Variants in FOXN4 observed in about 807,000 individuals in gnomAD.
The protein encoded by FOXN4 is forkhead box protein N4.
A neutral mutation model predicts 45.0 loss-of-function variants in FOXN4; 12 were observed. The ratio of observed to expected loss-of-function variants is 0.27; its 90% CI spans 0.17 to 0.43. The LOEUF is 0.43. Ranked by LOEUF, FOXN4 falls within the 20% of genes least tolerant of loss-of-function variation. The pLI, the probability that FOXN4 is intolerant of heterozygous loss-of-function variation, is 1.00. For missense variants in FOXN4, 560 were observed against 694.9 expected, an observed-to-expected ratio of 0.81 and a Z score of 2.18; for synonymous variants, 297 against 295.0, an observed-to-expected ratio of 1.01 and a Z score of -0.07.
Position 109,279,742 on chromosome 12 carries a change from C to A in FOXN4, c.1483G>T (p.Ala495Ser). Residue 495 changes from alanine to serine, a missense_variant, in exon 10 of 10, where the codon GCT (alanine) becomes TCT (serine). Coordinates refer to ENST00000299162, the MANE Select transcript of FOXN4 (RefSeq NM_213596.3). ...GAGGAGGAGCTGGTGCCCGATGCAG[C>A]CACACTGTCCGGAGTGGAGTACGCT... is the stretch of plus-strand genomic sequence containing the variant. ...YTAYSTPDSV[A>S]ASGTSSSSQY... The A allele has an allele frequency of 6.3e-7, 1 of 1,585,528 alleles. No homozygotes were observed. The highest frequency in any genetic ancestry group is 8.6e-7 in the Non-Finnish European group (1 of 1,166,200).
At position 109,285,481 on chromosome 12, in the gene FOXN4, G is replaced by T. The variant is rs1454520467; in HGVS notation, c.724C>A (p.Arg242=). 6.2e-7 allele frequency: 1 copy of T among 1,613,912 alleles called. No homozygotes were observed. The highest frequency in any genetic ancestry group is 1.3e-5 in the African/African-American group (1 of 74,898). ...CACTTGTTCAGAGACAGGTTGTGCC[G>T]CACCGAGTTCTTCCACCCGTCGGGG... is the stretch of plus-strand genomic sequence containing the variant. ...TAPDGWKNSV[R]HNLSLNKCFE... is the part of the protein sequence containing the mutation. Residue 242 remains arginine, a synonymous_variant, in exon 8 of 10, where the codon CGG becomes AGG. Transcript: ENST00000299162.
At chr12:109,305,678 T>G (rs1383176537) in intron 2 of FOXN4, among the ~76,000 whole-genome samples, 2 of 152,142 alleles carry the variant, frequency 1.3e-5, no homozygotes, top group African/African-American at 4.8e-5. Context: ...TGCAGTGAAC[T>G]GAGTTCACAC....
Position 109,308,312 on chromosome 12 carries a change from T to C in FOXN4, c.10A>G (p.Ser4Gly), listed in dbSNP as rs768756593. The change falls in exon 2 of 10, where the codon AGT becomes GGT. Residue 4 changes from serine (S) to glycine (G), a missense_variant. By Grantham distance (56) the Ser-to-Gly change is moderately conservative. Coordinates refer to ENST00000299162, the MANE Select transcript of FOXN4 (RefSeq NM_213596.3). MIE[S>G]DTSSIMSGII... ...CCTGACATTATGGATGAGGTGTCAC[T>C]TTCTATCATCTCCTTGGGAAAAGAC... 13 of 1,551,652 alleles carry C rather than the reference T, an allele frequency of 8.4e-6. No individual in the cohort carries two copies. The highest frequency in any genetic ancestry group is 4.9e-5 in the East Asian group (2 of 40,898).
intron 2 of FOXN4, among the ~76,000 whole-genome samples, chr12:109,307,322 G>A (rs1279707221): frequency 2.6e-5 from 4 of 152,160 alleles, no homozygotes; most frequent in East Asian, 3.9e-4. Flanking sequence ...TCCCCATTCC[G>A]TAATCTGGAC....
Position 109,279,596 on chromosome 12 carries a change from C to T in FOXN4, c.*75G>A. 6.5e-7 allele frequency: 1 copy of T among 1,532,884 alleles called. No individual in the cohort carries two copies. Among genetic ancestry groups the T allele is most frequent in the African/African-American group, 1.4e-5 (1 of 72,812 alleles). The allele number at this position is 1,532,884 out of a possible 1,614,324, so 95.0% of individuals were successfully genotyped here. A position where few individuals can be genotyped will look rare whatever the true frequency, so the allele number is the denominator to read the frequency against. On this transcript the variant is annotated 3_prime_UTR_variant, in exon 10 of 10. Transcript: ENST00000299162. The stretch of plus-strand genomic sequence containing the variant: ...TCGGGGACAATGAGGGACCTGCCTT[C>T]TGGGAACACCCTGTTCTAGTCAGTT...
intron 9 of FOXN4, among the ~76,000 whole-genome samples, chr12:109,281,072 A>G (rs928186966): frequency 7.9e-5 from 12 of 152,312 alleles, no homozygotes; most frequent in East Asian, 7.7e-4. Flanking sequence ...GGTGATGCCT[A>G]TGGAATGCTT....
intron 2 of FOXN4, among the ~76,000 whole-genome samples, chr12:109,302,097 C>T: frequency 6.6e-6 from 1 of 152,218 alleles, no homozygotes; most frequent in Non-Finnish European, 1.5e-5. Context: ...TTCTTACCCG[C>T]TCCTCCCTTC....
chr12:109,304,683 G>T (rs571492569), intron 2 of FOXN4, among the ~76,000 whole-genome samples: 16 of 152,298 alleles, frequency 1.1e-4, no homozygotes, highest in African/African-American at 3.8e-4. Context: ...GAAAATTAAC[G>T]GCCAAACTCA....
Position 109,281,846 on chromosome 12 carries a change from C to T in FOXN4, c.902-47G>A, listed in dbSNP as rs201890295. 111 of 1,510,130 alleles carry T rather than the reference C, an allele frequency of 7.4e-5. No individual in the cohort carries two copies. In the East Asian group the frequency reaches 1.7e-3, roughly 23 times the overall value. The allele number at this position is 1,510,130 out of a possible 1,614,324, so 93.5% of individuals were successfully genotyped here. A position where few individuals can be genotyped will look rare whatever the true frequency, so the allele number is the denominator to read the frequency against. ...CACTCAGAACCCACCCAGCAGTTAC[C>T]GGGCCCCAGCCCAGGCCTGGGTTCA... On this transcript the variant is annotated intron_variant, in intron 8 of 9. Coordinates refer to ENST00000299162, the MANE Select transcript of FOXN4 (RefSeq NM_213596.3).
At position 109,288,722 on chromosome 12, in the gene FOXN4, T is replaced by A. The variant is rs1025013917; in HGVS notation, c.233-542A>T. ...TACTTCCCCCATCTTGTGCTGGGCT[T>A]GTGACAGACATTGCTAATCTATCAC... On this transcript the variant is annotated intron_variant, in intron 3 of 9. Coordinates refer to ENST00000299162, the MANE Select transcript of FOXN4 (RefSeq NM_213596.3). The surrounding 1 kb of genome is among the most constrained non-coding windows in gnomAD (Gnocchi z 4.3). Among the ~76,000 whole-genome samples, 1 of 152,220 alleles carries A rather than the reference T, an allele frequency of 6.6e-6. No homozygotes were observed. The highest frequency in any genetic ancestry group is 2.4e-5 in the African/African-American group (1 of 41,460).
chr12:109,300,916 A>T (rs573151110), intron 2 of FOXN4, among the ~76,000 whole-genome samples: 179 of 152,308 alleles, frequency 1.2e-3, no homozygotes, highest in African/African-American at 4.2e-3. Context: ...CTCTAAAAAA[A>T]TAAAAATAAA....
At chr12:109,294,031 G>C (rs1213052878) in intron 2 of FOXN4, among the ~76,000 whole-genome samples, 4 of 152,196 alleles carry the variant, frequency 2.6e-5, no homozygotes, top group Admixed American at 6.5e-5. Flanking sequence ...GGGTCTGTCT[G>C]CCTCCCTCAG....
In FOXN4 at chr12:109,288,323, C is replaced by T. The variant is rs117979214; in HGVS notation, c.233-143G>A. 2.1e-3 allele frequency: 2,522 copies of T among 1,183,628 alleles called. 85 individuals are homozygous for T. In the East Asian group the frequency reaches 0.065, roughly 30 times the overall value. 73.3% of individuals were successfully genotyped at this position (1,183,628 alleles called of 1,614,324 possible). On this transcript the variant is annotated intron_variant, in intron 3 of 9. Coordinates refer to ENST00000299162, the MANE Select transcript of FOXN4 (RefSeq NM_213596.3). The surrounding 1 kb of genome is among the most constrained non-coding windows in gnomAD (Gnocchi z 4.3). ...CACATAGTAGGTGCTTGGCAAATCA[C>T]TTCCCTGGTGTGTAGTGAAAAGTAG...
chr12:109,290,347 CGT>C lies in FOXN4; in HGVS notation c.87-63_87-62del, dbSNP rs1472213002. 3 of 1,464,446 alleles carry C rather than the reference CGT, an allele frequency of 2.0e-6. No homozygotes were observed. In the Admixed American group the frequency reaches 7.5e-5, roughly 37 times the overall value. 90.7% of individuals were successfully genotyped at this position (1,464,446 alleles called of 1,614,324 possible). ...GAGCTTAGGCCAGCTCCTGGGGGTG[CGT>C]CCCGACCTCTGGAAGCACCCGCTTA... On this transcript the variant is annotated intron_variant, in intron 2 of 9. Transcript: ENST00000299162. The surrounding 1 kb of genome is among the most constrained non-coding windows in gnomAD (Gnocchi z 5.1).
At chr12:109,289,669 A>C (rs2047747645) in intron 3 of FOXN4, among the ~76,000 whole-genome samples, 1 of 152,122 alleles carries the variant, frequency 6.6e-6, no homozygotes, top group Non-Finnish European at 1.5e-5. Flanking sequence ...CACTTTCCAC[A>C]CATTATCTCT....
At chr12:109,294,869 C>G (rs1350489203) in intron 2 of FOXN4, among the ~76,000 whole-genome samples, 1 of 152,124 alleles carries the variant, frequency 6.6e-6, no homozygotes, top group African/African-American at 2.4e-5. Context: ...TCATCAGTGC[C>G]TGAAGTTCCC....
rs1001782360 is a variant in FOXN4 at position 109,278,760 on chromosome 12, A to G, written c.*911T>C. The G allele has an allele frequency of 6.6e-6, 1 of 152,150 alleles. No individual in the cohort carries two copies. The highest frequency in any genetic ancestry group is 1.5e-5 in the Non-Finnish European group (1 of 68,046). The allele number at this position is 152,150 out of a possible 1,614,324, so 9.4% of individuals were successfully genotyped here. A position where few individuals can be genotyped will look rare whatever the true frequency, so the allele number is the denominator to read the frequency against. ...GTACATGCAAGAAGAGATGTGAATC[A>G]TGAACAGGTAGAAAAATATCTGGTC... is the stretch of plus-strand genomic sequence containing the variant. On this transcript the variant is annotated 3_prime_UTR_variant, in exon 10 of 10. Coordinates refer to ENST00000299162, the MANE Select transcript of FOXN4 (RefSeq NM_213596.3).
In FOXN4 at chr12:109,286,716, T is replaced by G. The variant is rs2047714778; in HGVS notation, c.625A>C (p.Ser209Arg). 6.2e-7 allele frequency: 1 copy of G among 1,608,006 alleles called. No homozygotes were observed. The highest frequency in any genetic ancestry group is 8.5e-7 in the Non-Finnish European group (1 of 1,179,596). ...SCLIAMALKN[S>R]KTGSLPVSEI... ...CTCACAGGCAGGCTGCCTGTCTTGCTGTTCTTCAGGGCCATGGCGATCAGA... is the reference window on the plus strand; with the variant it reads ...CTCACAGGCAGGCTGCCTGTCTTGCGGTTCTTCAGGGCCATGGCGATCAGA... Residue 209 changes from serine (S) to arginine (R), a missense_variant, in exon 7 of 10, where the codon AGC becomes CGC. By Grantham distance (110) the Ser-to-Arg change is moderately radical. Around this residue, in one of 5 missense-constraint regions of FOXN4, gnomAD observed 39 missense variants for 81.7 expected, o/e 0.48. Coordinates refer to ENST00000299162, the MANE Select transcript of FOXN4 (RefSeq NM_213596.3).
At chr12:109,280,058 T>C (rs1320856780) in intron 9 of FOXN4, 128 bp from the exon 10 acceptor site, 15 of 1,342,674 alleles carry the variant, frequency 1.1e-5, no homozygotes, top group South Asian at 2.8e-5. Context: ...AAAAAGGGCA[T>C]GGGGCCGGGC....
Sources: allele counts gnomAD v4.1 joint callset (sites outside exome capture counted in the v4.1 genomes callset), GRCh38; gene constraint gnomAD v4.1.1; regional missense constraint gnomAD v4.1.1; non-coding constraint Gnocchi (gnomAD v3.1); transcripts MANE v1.5; gene names NCBI Gene and HGNC (gene_info 2026-07-23, HGNC 2026-07-21).